The following POLR1A variants were observed in gnomAD, a reference collection of about 807,000 sequenced individuals.
POLR1A encodes DNA-directed RNA polymerase I subunit RPA1.
Under a neutral mutation model 205.3 loss-of-function variants are expected in POLR1A, and 84 were observed. The ratio of observed to expected loss-of-function variants is 0.41; its 90% CI spans 0.34 to 0.49. The LOEUF (loss-of-function observed/expected upper bound fraction) is 0.49, where lower values mean the gene tolerates loss of function less well. Ranked by LOEUF, POLR1A falls within the 20% of genes least tolerant of loss-of-function variation. The pLI is 0.22. For missense variants in POLR1A, 1,645 were observed against 2,204.5 expected (o/e 0.75, Z 5.08); for synonymous variants, 799 against 863.7 (o/e 0.93, Z 1.31).
chr2:86,063,544 A>C (rs912135692), intron 14 of POLR1A, among the ~76,000 whole-genome samples: 1 of 152,088 alleles, frequency 6.6e-6, no homozygotes, highest in Non-Finnish European at 1.5e-5. Context: ...CCAAAACCAA[A>C]CAAACATATT....
intron 24 of POLR1A, among the ~76,000 whole-genome samples, chr2:86,041,190 T>TGTGCGCGCGCGCGCACGCGCGC (rs1212728761): frequency 4.0e-4 from 17 of 41,980 alleles, no homozygotes; most frequent in African/African-American, 9.7e-4. Flanking sequence ...TGTGTGTGTG[T>TGTGCGCGCGCGCGCACGCGCGC]GCGCGCTGAG....
intron 9 of POLR1A, 139 bp from the exon 10 acceptor site, chr2:86,078,423 G>C: frequency 1.6e-6 from 1 of 609,740 alleles, no homozygotes; most frequent in African/African-American, 1.9e-5. Flanking sequence ...ACAGATCAGA[G>C]ACAAACATGC....
chr2:86,090,880 G>A (rs1558785027), intron 3 of POLR1A, among the ~76,000 whole-genome samples: 1 of 152,234 alleles, frequency 6.6e-6, no homozygotes. Context: ...AGGTGTTTGA[G>A]GCTGCAGTGC....
At chr2:86,054,959 C>T (rs1672871988) in intron 14 of POLR1A, among the ~76,000 whole-genome samples, 1 of 152,222 alleles carries the variant, frequency 6.6e-6, no homozygotes, top group Non-Finnish European at 1.5e-5. Context: ...CTGCCATCAA[C>T]AGCGCTTAGT....
At chr2:86,048,068 T>C (rs1417376701) in intron 18 of POLR1A, among the ~76,000 whole-genome samples, 2 of 152,202 alleles carry the variant, frequency 1.3e-5, no homozygotes, top group Non-Finnish European at 2.9e-5. Flanking sequence ...CCTGTCCCCA[T>C]GAGAAGTCGG....
chr2:86,092,402 C>G (rs750872737), intron 3 of POLR1A, among the ~76,000 whole-genome samples: 8 of 152,246 alleles, frequency 5.3e-5, no homozygotes, highest in Non-Finnish European at 1.2e-4. Flanking sequence ...TGCGTTTGAG[C>G]AGTCGTCTGT....
chr2:86,097,009 A>G (rs1364567479), intron 3 of POLR1A, among the ~76,000 whole-genome samples: 3 of 152,054 alleles, frequency 2.0e-5, no homozygotes, highest in Admixed American at 1.3e-4. Context: ...AAGGAACTCA[A>G]ACATCTCAAC....
At chr2:86,073,297 T>C (rs568469712) in intron 12 of POLR1A, among the ~76,000 whole-genome samples, 1 of 152,176 alleles carries the variant, frequency 6.6e-6, no homozygotes, top group Non-Finnish European at 1.5e-5. Flanking sequence ...TAAAGTTTGA[T>C]TGGAACACAG....
chr2:86,025,869 C>T lies in POLR1A; in HGVS notation c.*1554G>A, dbSNP rs1177225627. Reference sequence around the variant, plus strand: ...TCAAAACTGTCATATTCCTCTGTGCCCATGCCTTGGTGAACCTGGCAGACC... The same window carrying T: ...TCAAAACTGTCATATTCCTCTGTGCTCATGCCTTGGTGAACCTGGCAGACC... On this transcript the variant is annotated 3_prime_UTR_variant, in exon 34 of 34. Transcript: ENST00000263857. 1 of 152,260 alleles carries T rather than the reference C, an allele frequency of 6.6e-6. No homozygotes were observed. The highest frequency in any genetic ancestry group is 1.5e-5 in the Non-Finnish European group (1 of 68,082). The allele number at this position is 152,260 out of a possible 1,614,324, so 9.4% of individuals were successfully genotyped here.
At chr2:86,057,268 C>A (rs1028041341) in intron 14 of POLR1A, among the ~76,000 whole-genome samples, 2 of 151,758 alleles carry the variant, frequency 1.3e-5, no homozygotes, top group African/African-American at 4.8e-5. Context: ...AGAAATAGAA[C>A]TAGAATTAGA....
chr2:86,084,183 G>A (rs1001367489), intron 6 of POLR1A, among the ~76,000 whole-genome samples: 13 of 152,048 alleles, frequency 8.5e-5, no homozygotes, highest in African/African-American at 2.7e-4. Flanking sequence ...GGAGAATGGC[G>A]TGAACCCAGG....
chr2:86,104,774 C>A (rs1483849291), intron 1 of POLR1A, among the ~76,000 whole-genome samples: 1 of 152,130 alleles, frequency 6.6e-6, no homozygotes, highest in Non-Finnish European at 1.5e-5. Context: ...TGCATTTAGG[C>A]CATGTTGAGT....
In POLR1A at chr2:86,086,784, C is replaced by T. The variant is rs1267380459; in HGVS notation, c.730+1782G>A. The stretch of plus-strand genomic sequence containing the variant: ...ACTTACCTGCCGGACATTTGCCCCA[C>T]GAAAACTATCTTCTAGAAAGAATTC... On this transcript the variant is annotated intron_variant, in intron 6 of 33. Transcript: ENST00000263857. Among the ~76,000 whole-genome samples the T allele has an allele frequency of 5.3e-5, 8 of 152,318 alleles. No individual in the cohort carries two copies. The South Asian group carries it at 6.2e-4, about 12-fold the overall frequency.
intron 8 of POLR1A, among the ~76,000 whole-genome samples, chr2:86,081,225 A>C (rs1673395657): frequency 6.6e-6 from 1 of 152,100 alleles, no homozygotes; most frequent in South Asian, 2.1e-4. Context: ...GTGAAACCCC[A>C]TCTCTATGTA....
rs745469631 is a variant in POLR1A at position 86,032,294 on chromosome 2, C to A, written c.4250G>T (p.Arg1417Leu). The change falls in exon 29 of 34, where the codon CGC becomes CTC. Residue 1417 changes from arginine to leucine, a missense_variant. Coordinates refer to ENST00000263857, the MANE Select transcript of POLR1A (RefSeq NM_015425.6). ...CACCTCCTCCTCCTGCTTCTCCTTG[C>A]GTTTGGCATCAGAGGCATCGGCGTC... ...EGDADASDAKRKEKQEEEVDY... is the reference protein window; with the variant it reads ...EGDADASDAKLKEKQEEEVDY... 1.9e-6 allele frequency: 3 copies of A among 1,612,164 alleles called. No individual in the cohort carries two copies. The highest frequency in any genetic ancestry group is 1.7e-6 in the Non-Finnish European group (2 of 1,178,342).
intron 29 of POLR1A, 96 bp from the exon 30 acceptor site, chr2:86,031,731 GCC>G: frequency 6.6e-7 from 1 of 1,516,396 alleles, no homozygotes; most frequent in Non-Finnish European, 8.9e-7. Context: ...GCCTTGGCTG[GCC>G]TGGGCTACCT....
chr2:86,054,021 C>A (rs1672853005), intron 15 of POLR1A, 119 bp downstream of exon 15: 1 of 976,934 alleles, frequency 1.0e-6, no homozygotes, highest in Non-Finnish European at 1.5e-6. Flanking sequence ...ACAACGCCTT[C>A]TCTTCTGAGG....
At chr2:86,091,594 T>C (rs1449666003) in intron 3 of POLR1A, among the ~76,000 whole-genome samples, 1 of 152,228 alleles carries the variant, frequency 6.6e-6, no homozygotes, top group Non-Finnish European at 1.5e-5. Context: ...AATGCATTTC[T>C]GTATATATTT....
Position 86,070,936 on chromosome 2 carries a change from A to C in POLR1A, c.1612-664T>G, listed in dbSNP as rs1035321770. On this transcript the variant is annotated intron_variant, in intron 12 of 33. Transcript: ENST00000263857. The surrounding 1 kb of genome is among the most constrained non-coding windows in gnomAD (Gnocchi z 4.4). ...AAAACACATTTTCTGTTGGCTCTTC[A>C]AGAAAAAAAAAAGCACCCACACAAG... 1.3e-5 allele frequency among the ~76,000 whole-genome samples: 2 copies of C among 152,092 alleles called. No individual in the cohort carries two copies. Among genetic ancestry groups the C allele is most frequent in the Admixed American group, 1.3e-4 (2 of 15,260 alleles).
Sources: allele counts gnomAD v4.1 joint callset (sites outside exome capture counted in the v4.1 genomes callset), GRCh38; gene constraint gnomAD v4.1.1; non-coding constraint Gnocchi (gnomAD v3.1); transcripts MANE v1.5; gene names NCBI Gene and HGNC (gene_info 2026-07-23, HGNC 2026-07-21).